The following ZDHHC15 variants were observed in gnomAD, a reference collection of about 807,000 sequenced individuals.
ZDHHC15 encodes the protein palmitoyltransferase ZDHHC15.
ZDHHC15 carries 19 observed loss-of-function variants against 31.7 expected under a neutral mutation model. The observed-to-expected ratio is 0.60, with a 90% CI of 0.42 to 0.88. The LOEUF is 0.88. ZDHHC15 is among the 40% of genes least tolerant of loss of function. ZDHHC15 has a pLI of 0.00. For missense variants in ZDHHC15, 209 were observed against 251.2 expected, an observed-to-expected ratio of 0.83 and a Z score of 1.14; for synonymous variants, 103 against 90.0, an observed-to-expected ratio of 1.14 and a Z score of -0.82.
intron 5 of ZDHHC15, 150 bp from the exon 6 acceptor site, chrX:75,430,130 C>A (rs766019316): frequency 3.6e-6 from 2 of 555,834 alleles, no homozygotes; most frequent in East Asian, 3.9e-5. Flanking sequence ...AAAACTGTGG[C>A]CCTCAGTTAT....
At chrX:75,423,733 C>T (rs1422531007) in intron 8 of ZDHHC15, among the ~76,000 whole-genome samples, 2 of 107,855 alleles carry the variant, frequency 1.9e-5, no homozygotes, top group Non-Finnish European at 3.8e-5. Context: ...TCAAGTGATT[C>T]TCCTGCCTTG....
chrX:75,488,641 C>A (rs761984430), intron 2 of ZDHHC15, among the ~76,000 whole-genome samples: 1 of 112,095 alleles, frequency 8.9e-6, no homozygotes, highest in South Asian at 3.7e-4. Context: ...TGAATAGGAA[C>A]AGCTCCAGTC....
At chrX:75,514,023 A>G (rs2085317670) in intron 1 of ZDHHC15, among the ~76,000 whole-genome samples, 1 of 112,995 alleles carries the variant, frequency 8.8e-6, no homozygotes, top group African/African-American at 3.2e-5. Context: ...CAGCAACACT[A>G]TACTTCAAAG....
intron 4 of ZDHHC15, among the ~76,000 whole-genome samples, chrX:75,436,072 C>G (rs373178745): frequency 9.0e-6 from 1 of 111,236 alleles, no homozygotes; most frequent in Non-Finnish European, 1.9e-5. Flanking sequence ...TAATCTAGCA[C>G]AGTTGTATAT....
intron 4 of ZDHHC15, among the ~76,000 whole-genome samples, chrX:75,434,886 G>A (rs781181134): frequency 1.8e-5 from 2 of 112,133 alleles, no homozygotes; most frequent in Non-Finnish European, 3.8e-5. Context: ...GATGGTGGTA[G>A]TTTGATGGGA....
At chrX:75,465,782 T>C (rs1183135485) in intron 3 of ZDHHC15, among the ~76,000 whole-genome samples, 1 of 111,516 alleles carries the variant, frequency 9.0e-6, no homozygotes, top group African/African-American at 3.3e-5. Context: ...CCTTACACCT[T>C]ATATAAAAGT....
intron 10 of ZDHHC15, among the ~76,000 whole-genome samples, chrX:75,412,653 G>A (rs898012469): frequency 1.1e-4 from 12 of 110,815 alleles, no homozygotes; most frequent in Non-Finnish European, 1.1e-4. Context: ...GGATGGTCTC[G>A]ATCTCCTGAC....
chrX:75,408,061 C>A (rs780031573), intron 10 of ZDHHC15, among the ~76,000 whole-genome samples: 1 of 110,302 alleles, frequency 9.1e-6, no homozygotes, highest in Non-Finnish European at 1.9e-5. Flanking sequence ...TACCCAGGGA[C>A]ACAAACACTG....
At chrX:75,490,757 T>C (rs1168845167) in intron 2 of ZDHHC15, among the ~76,000 whole-genome samples, 1 of 111,723 alleles carries the variant, frequency 9.0e-6, no homozygotes, top group Non-Finnish European at 1.9e-5. Context: ...GAAGCAATTG[T>C]GAATGGGAGC....
At chrX:75,455,186 C>T (rs1484299624) in intron 3 of ZDHHC15, among the ~76,000 whole-genome samples, 1 of 111,391 alleles carries the variant, frequency 9.0e-6, no homozygotes, top group Non-Finnish European at 1.9e-5. Context: ...CCCAATGGAA[C>T]AGAACAGAGG....
intron 1 of ZDHHC15, among the ~76,000 whole-genome samples, chrX:75,508,807 C>G (rs984508435): frequency 9.0e-6 from 1 of 110,824 alleles, no homozygotes; most frequent in African/African-American, 3.3e-5. Flanking sequence ...TCTCCAGCAC[C>G]TGTTATTTCC....
At chrX:75,402,771 C>T (rs978758883) in intron 10 of ZDHHC15, among the ~76,000 whole-genome samples, 2 of 111,031 alleles carry the variant, frequency 1.8e-5, no homozygotes, top group South Asian at 7.7e-4. Context: ...ATGCCTAGGA[C>T]CTGATGGATT....
intron 10 of ZDHHC15, among the ~76,000 whole-genome samples, chrX:75,389,144 C>A (rs1001255963): frequency 9.0e-6 from 1 of 111,211 alleles, no homozygotes; most frequent in Admixed American, 9.5e-5. Context: ...CAGCTGGTGC[C>A]CACAGAGGGA....
At chrX:75,399,723 C>A (rs2083335833) in intron 10 of ZDHHC15, among the ~76,000 whole-genome samples, 1 of 111,382 alleles carries the variant, frequency 9.0e-6, no homozygotes. Context: ...GGAACCTTCA[C>A]TTTCAGAGCA....
chrX:75,481,622 G>C (rs2084690452), intron 2 of ZDHHC15, among the ~76,000 whole-genome samples: 1 of 112,075 alleles, frequency 8.9e-6, no homozygotes, highest in African/African-American at 3.2e-5. Flanking sequence ...ATATTTTAGA[G>C]TAAGGTGAGA....
chrX:75,398,919 G>T (rs2147790583), intron 10 of ZDHHC15, among the ~76,000 whole-genome samples: 1 of 112,112 alleles, frequency 8.9e-6, no homozygotes, highest in African/African-American at 3.2e-5. Context: ...CACTGGCCGG[G>T]ACCTCCCAAC....
chrX:75,379,026 C>A, intron 11 of ZDHHC15, 94 bp downstream of exon 11: 1 of 652,793 alleles, frequency 1.5e-6, no homozygotes, highest in Non-Finnish European at 2.4e-6. Context: ...CTTTTTCACC[C>A]AGGATAAGAA....
chrX:75,389,166 A>G (rs2083213675), intron 10 of ZDHHC15, among the ~76,000 whole-genome samples: 1 of 111,521 alleles, frequency 9.0e-6, no homozygotes, highest in South Asian at 3.8e-4. Flanking sequence ...CATTTAGACA[A>G]GCCCTAATCA....
chrX:75,444,411 T>C (rs1277160865), intron 4 of ZDHHC15, among the ~76,000 whole-genome samples: 2 of 87,567 alleles, frequency 2.3e-5, no homozygotes, highest in East Asian at 7.1e-4. Context: ...AGGTGGGAAT[T>C]GAATAGTGAG....
Sources: gnomAD v4.1 joint callset for allele counts (sites outside exome capture counted in the v4.1 genomes callset) on GRCh38, gnomAD v4.1.1 for gene constraint, MANE v1.5 for transcripts, NCBI Gene and HGNC (gene_info 2026-07-23, HGNC 2026-07-21) for gene names.